Variants in ST6GALNAC3 observed in about 807,000 individuals in gnomAD.
The protein encoded by ST6GALNAC3 is ST6 N-acetylgalactosaminide alpha-2,6-sialyltransferase 3.
Under a neutral mutation model 32.7 loss-of-function variants are expected in ST6GALNAC3, and 25 were observed. That is an observed-to-expected ratio of 0.76 (90% confidence interval 0.56 to 1.07). ST6GALNAC3 has a LOEUF of 1.07. ST6GALNAC3 is among the 50% of genes least tolerant of loss of function. The pLI is 0.00. For missense variants in ST6GALNAC3, 355 were observed against 382.4 expected (o/e 0.93, Z 0.60); for synonymous variants, 129 against 133.1 (o/e 0.97, Z 0.21).
At chr1:76,529,136 TTA>T (rs1013764430) in intron 3 of ST6GALNAC3, among the ~76,000 whole-genome samples, 1 of 152,080 alleles carries the variant, frequency 6.6e-6, no homozygotes, top group African/African-American at 2.4e-5. Flanking sequence ...ATAATAATTG[TTA>T]TATGAATATT....
At chr1:76,420,613 A>G (rs1174993794) in intron 3 of ST6GALNAC3, among the ~76,000 whole-genome samples, 1 of 152,076 alleles carries the variant, frequency 6.6e-6, no homozygotes, top group Non-Finnish European at 1.5e-5. Flanking sequence ...TAAAGGGGCC[A>G]TGGATGTTTC....
intron 1 of ST6GALNAC3, among the ~76,000 whole-genome samples, chr1:76,079,587 C>T (rs116011970): frequency 2.3e-3 from 353 of 152,302 alleles, no homozygotes; most frequent in African/African-American, 7.2e-3. Context: ...AAGCAGTTAG[C>T]TGATACGATA....
At chr1:76,223,877 G>A (rs902782320) in intron 1 of ST6GALNAC3, among the ~76,000 whole-genome samples, 1 of 151,980 alleles carries the variant, frequency 6.6e-6, no homozygotes, top group African/African-American at 2.4e-5. Flanking sequence ...TTTCACCTAA[G>A]TTCATCAATT....
chr1:76,546,648 G>T (rs1446609504), intron 3 of ST6GALNAC3, among the ~76,000 whole-genome samples: 1 of 152,180 alleles, frequency 6.6e-6, no homozygotes, highest in African/African-American at 2.4e-5. Flanking sequence ...CAAACACAGA[G>T]CTGTTCTGGG....
intron 1 of ST6GALNAC3, among the ~76,000 whole-genome samples, chr1:76,119,524 G>C (rs377281439): frequency 6.6e-6 from 1 of 152,178 alleles, no homozygotes; most frequent in African/African-American, 2.4e-5. Flanking sequence ...AGTTATGTGA[G>C]GGATGGTGTA....
intron 3 of ST6GALNAC3, among the ~76,000 whole-genome samples, chr1:76,505,009 G>A (rs945727403): frequency 3.3e-5 from 5 of 152,002 alleles, no homozygotes; most frequent in Admixed American, 1.3e-4. Flanking sequence ...ATATCTTTCC[G>A]TCATAGTCCT....
chr1:76,553,668 TTCTC>T (rs939972974), intron 3 of ST6GALNAC3, among the ~76,000 whole-genome samples: 1 of 135,624 alleles, frequency 7.4e-6, no homozygotes, highest in African/African-American at 3.0e-5. Flanking sequence ...CCACTTTGTT[TTCTC>T]TCTATTTTTA....
In ST6GALNAC3 at chr1:76,283,872, A is replaced by G. The variant is rs114309797; in HGVS notation, c.19-29933A>G. ...CACATACTTGGTGTTTTTTCTTCAG[A>G]TGTTGGGATTCAAATTGTTTGGAAA... On this transcript the variant is annotated intron_variant, in intron 1 of 4. Transcript: ENST00000328299. Among the ~76,000 whole-genome samples the G allele has an allele frequency of 8.1e-3, 1,238 of 152,260 alleles. 21 individuals carry two copies. The highest frequency in any genetic ancestry group is 0.029 in the African/African-American group (1,194 of 41,540).
intron 2 of ST6GALNAC3, among the ~76,000 whole-genome samples, chr1:76,334,314 G>T (rs1028304760): frequency 1.3e-5 from 2 of 152,164 alleles, no homozygotes; most frequent in African/African-American, 4.8e-5. Context: ...GTATCTCCAT[G>T]ATTATGTTAA....
intron 1 of ST6GALNAC3, among the ~76,000 whole-genome samples, chr1:76,141,326 G>C (rs191254560): frequency 6.6e-6 from 1 of 152,138 alleles, no homozygotes; most frequent in South Asian, 2.1e-4. Flanking sequence ...GTCAGTTTAC[G>C]TATGCATCTT....
rs140307331 is a variant in ST6GALNAC3, at chr1:76,494,875, G to A, written c.623+82458G>A. Among the ~76,000 whole-genome samples the A allele has an allele frequency of 5.5e-3, 834 of 152,090 alleles. 8 individuals are homozygous for A. Among genetic ancestry groups the A allele is most frequent in the African/African-American group, 0.018 (762 of 41,518 alleles). On this transcript the variant is annotated intron_variant, in intron 3 of 4. Coordinates refer to ENST00000328299, the MANE Select transcript of ST6GALNAC3 (RefSeq NM_152996.4). ...AGTAGGAAACCCCAAAGAGCCAATG[G>A]TATAGTTCCCATTTGAAGGCTGGCA...
At chr1:76,362,251 A>C (rs1321771222) in intron 2 of ST6GALNAC3, among the ~76,000 whole-genome samples, 1 of 152,138 alleles carries the variant, frequency 6.6e-6, no homozygotes, top group Non-Finnish European at 1.5e-5. Context: ...CATTATCACC[A>C]AGACAATACC....
At chr1:76,084,238 C>T (rs1646935786) in intron 1 of ST6GALNAC3, among the ~76,000 whole-genome samples, 1 of 152,220 alleles carries the variant, frequency 6.6e-6, no homozygotes, top group South Asian at 2.1e-4. Flanking sequence ...CAGCCAAAGG[C>T]TGGCGACTGA....
intron 1 of ST6GALNAC3, among the ~76,000 whole-genome samples, chr1:76,233,109 T>G (rs1264093506): frequency 6.6e-6 from 1 of 152,182 alleles, no homozygotes; most frequent in African/African-American, 2.4e-5. Flanking sequence ...ACATGTTCAT[T>G]GTTACCACAC....
intron 3 of ST6GALNAC3, among the ~76,000 whole-genome samples, chr1:76,523,522 A>C (rs79014385): frequency 2.0e-4 from 31 of 152,312 alleles, no homozygotes; most frequent in Middle Eastern, 3.4e-3. Flanking sequence ...CTATCACCTT[A>C]ATTTATCCAG....
intron 3 of ST6GALNAC3, among the ~76,000 whole-genome samples, chr1:76,508,421 G>A (rs1447408875): frequency 6.6e-6 from 1 of 152,070 alleles, no homozygotes; most frequent in Non-Finnish European, 1.5e-5. Context: ...AGAGGAATTT[G>A]GCCCACTACT....
At chr1:76,604,465 G>A (rs1647393350) in intron 3 of ST6GALNAC3, among the ~76,000 whole-genome samples, 1 of 152,148 alleles carries the variant, frequency 6.6e-6, no homozygotes. Context: ...AGAAAATCCT[G>A]CCTCAAATGA....
chr1:76,275,211 A>G (rs1570657095), intron 1 of ST6GALNAC3, among the ~76,000 whole-genome samples: 1 of 152,370 alleles, frequency 6.6e-6, no homozygotes, highest in East Asian at 1.9e-4. Context: ...AAGTTGTAGC[A>G]CACAACATTT....
rs991624052 is a variant in ST6GALNAC3 at position 76,364,340 on chromosome 1, G to A, written c.214-47668G>A. Among the ~76,000 whole-genome samples the A allele has an allele frequency of 6.6e-5, 10 of 152,250 alleles. No homozygotes were observed. The South Asian group carries it at 1.5e-3, about 22-fold the overall frequency. On this transcript the variant is annotated intron_variant, in intron 2 of 4. Coordinates refer to ENST00000328299, the MANE Select transcript of ST6GALNAC3 (RefSeq NM_152996.4). ...GAGGTGGGTGGATCACCTGAAGTCAGGAGTTTGAGACTAGCCTGGCCAACA... is the reference window on the plus strand; with the variant it reads ...GAGGTGGGTGGATCACCTGAAGTCAAGAGTTTGAGACTAGCCTGGCCAACA...
Sources: allele counts gnomAD v4.1 joint callset (sites outside exome capture counted in the v4.1 genomes callset), GRCh38; gene constraint gnomAD v4.1.1; transcripts MANE v1.5; gene names NCBI Gene and HGNC (gene_info 2026-07-23, HGNC 2026-07-21).